The following TMEM64 variants were observed in gnomAD, a reference collection of about 807,000 sequenced individuals.
TMEM64 encodes transmembrane protein 64.
In TMEM64, 19 loss-of-function variants were observed where a neutral mutation model predicts 24.5. The ratio of observed to expected loss-of-function variants is 0.78; its 90% confidence interval spans 0.54 to 1.14. The LOEUF (loss-of-function observed/expected upper bound fraction) is 1.14. Among genes scored for constraint, TMEM64 ranks in the 50% most tolerant of loss-of-function variants. The pLI, the probability that TMEM64 is intolerant of heterozygous loss-of-function variation, is 0.00. For missense variants in TMEM64, 487 were observed against 493.0 expected (o/e 0.99, Z 0.12); for synonymous variants, 262 against 224.7 (o/e 1.17, Z -1.49).
Position 90,646,025 on chromosome 8 carries a change from G to A in TMEM64, c.-120C>T. 1 of 411,162 alleles carries A rather than the reference G, an allele frequency of 2.4e-6. No homozygotes were observed. The highest frequency in any genetic ancestry group is 1.0e-4 in the South Asian group (1 of 9,638). The allele number at this position is 411,162 out of a possible 1,614,324, so 25.5% of individuals were successfully genotyped here. On this transcript the variant is annotated 5_prime_UTR_variant, in exon 1 of 3. Coordinates refer to ENST00000458549, the MANE Select transcript of TMEM64 (RefSeq NM_001008495.4). The stretch of plus-strand genomic sequence containing the variant: ...GACTCCCTGCGTCCGCTCAGAGGGT[G>A]GGAGACGGCCCGTAGAAGGGCGCGG...
chr8:90,632,128 T>C (rs11997798), intron 1 of TMEM64, among the ~76,000 whole-genome samples: 20,906 of 152,140 alleles, frequency 0.14, 3,270 homozygotes, highest in African/African-American at 0.39. Context: ...TAATTCAATA[T>C]GCTACTCTGT....
intron 2 of TMEM64, 106 bp downstream of exon 2, chr8:90,631,446 A>T (rs1809437185): frequency 3.8e-6 from 4 of 1,041,000 alleles, no homozygotes; most frequent in Non-Finnish European, 5.3e-6. Flanking sequence ...AAAAATCTAA[A>T]ATGGAAAAAC....
At chr8:90,640,713 T>G (rs1809591449) in intron 1 of TMEM64, among the ~76,000 whole-genome samples, 2 of 152,240 alleles carry the variant, frequency 1.3e-5, no homozygotes, top group South Asian at 4.1e-4. Flanking sequence ...ATCTTCTTGA[T>G]AGCTCAATGC....
At chr8:90,644,005 G>A (rs899405307) in intron 1 of TMEM64, among the ~76,000 whole-genome samples, 2 of 152,186 alleles carry the variant, frequency 1.3e-5, no homozygotes, top group Non-Finnish European at 2.9e-5. Flanking sequence ...AAAACAAAAT[G>A]AGAAAGTTTC....
intron 2 of TMEM64, among the ~76,000 whole-genome samples, chr8:90,628,037 G>T (rs558634185): frequency 6.3e-4 from 96 of 152,328 alleles, no homozygotes; most frequent in African/African-American, 1.9e-3. Context: ...TTTCCCAGCT[G>T]CACTTCTGAT....
chr8:90,642,212 A>G (rs1809614385), intron 1 of TMEM64, among the ~76,000 whole-genome samples: 1 of 152,202 alleles, frequency 6.6e-6, no homozygotes, highest in Admixed American at 6.5e-5. Context: ...TAATGCCTTC[A>G]CTGTATCAGC....
Position 90,645,537 on chromosome 8 carries a change from G to C in TMEM64, c.369C>G (p.Leu123=), listed in dbSNP as rs751012298. Reference sequence around the variant, plus strand: ...GGGCGGCCAACACGCAGACCAGCACGAGGCTCCGGCACCAACAGGTGCTGC... The same window carrying C: ...GGGCGGCCAACACGCAGACCAGCACCAGGCTCCGGCACCAACAGGTGCTGC... The part of the protein sequence containing the change: ...CLGSTCWCRS[L]VLVCVLAALC... Residue 123 remains leucine, a synonymous_variant, in exon 1 of 3, where the codon CTC becomes CTG. Transcript: ENST00000458549. The surrounding 1 kb of genome is among the most constrained non-coding windows in gnomAD (Gnocchi z 4.2). 39 of 1,548,560 alleles carry C rather than the reference G, an allele frequency of 2.5e-5. No homozygotes were observed. Among genetic ancestry groups the C allele is most frequent in the South Asian group, 5.9e-5 (5 of 84,058 alleles).
chr8:90,645,004 T>C lies in TMEM64; in HGVS notation c.795+107A>G, dbSNP rs1450121118. Reference sequence around the variant, plus strand: ...AAGTAATCGTAACTCCTGCCGTCAATGTCACTTCTCTGCTGGTATTTATCT... The same window carrying C: ...AAGTAATCGTAACTCCTGCCGTCAACGTCACTTCTCTGCTGGTATTTATCT... On this transcript the variant is annotated intron_variant, in intron 1 of 2. Transcript: ENST00000458549. This position sits in a 1 kb window ranked among gnomAD's most constrained non-coding sequence, Gnocchi z 4.2. 1.1e-5 allele frequency: 14 copies of C among 1,229,696 alleles called. No individual in the cohort carries two copies. The highest frequency in any genetic ancestry group is 1.5e-5 in the Non-Finnish European group (13 of 874,178). The allele number at this position is 1,229,696 out of a possible 1,614,324, so 76.2% of individuals were successfully genotyped here.
intron 1 of TMEM64, among the ~76,000 whole-genome samples, chr8:90,644,809 T>C (rs1475114735): frequency 6.6e-6 from 1 of 152,242 alleles, no homozygotes; most frequent in East Asian, 1.9e-4. Flanking sequence ...GTATTAAAGA[T>C]GGGCATTTCC....
At position 90,645,446 on chromosome 8, in the gene TMEM64, G is replaced by T; in HGVS notation, c.460C>A (p.Leu154Ile). 2 of 1,551,612 alleles carry T rather than the reference G, an allele frequency of 1.3e-6. No individual in the cohort carries two copies. Among genetic ancestry groups the T allele is most frequent in the Non-Finnish European group, 1.7e-6 (2 of 1,147,026 alleles). The part of the protein sequence containing the change: ...LHHLLLWVES[L>I]DSLLGVLLFV... The stretch of plus-strand genomic sequence containing the variant: ...AGCAGGACCCCCAGCAGCGAGTCAA[G>T]GCTCTCCACCCACAGCAGGAGGTGG... The change falls in exon 1 of 3, where the codon CTT becomes ATT. Residue 154 changes from leucine to isoleucine, a missense_variant. Transcript: ENST00000458549. The surrounding 1 kb of genome is among the most constrained non-coding windows in gnomAD (Gnocchi z 4.2).
At chr8:90,633,847 T>G (rs1022457732) in intron 1 of TMEM64, among the ~76,000 whole-genome samples, 1 of 152,188 alleles carries the variant, frequency 6.6e-6, no homozygotes, top group African/African-American at 2.4e-5. Context: ...ATTGGGATGT[T>G]AAGTGTTTTT....
rs1251836298 is a variant in TMEM64 at position 90,645,633 on chromosome 8, G to T, written c.273C>A (p.Gly91=). Residue 91 remains glycine (G), a synonymous_variant, in exon 1 of 3, where the codon GGC becomes GGA. Transcript: ENST00000458549. The surrounding 1 kb of genome is among the most constrained non-coding windows in gnomAD (Gnocchi z 4.2). ...CCACGCCGCCGCCGCCACTCCCGGG[G>T]CCGCCCGCCAAGGCCCCGCCCGGCT... is the stretch of plus-strand genomic sequence containing the variant. ...LPEPGGALAG[G]PGSGGGGVVV... 5 of 1,533,678 alleles carry T rather than the reference G, an allele frequency of 3.3e-6. No individual in the cohort carries two copies. In the Admixed American group the frequency reaches 9.8e-5, roughly 30 times the overall value.
At position 90,622,330 on chromosome 8, in the gene TMEM64, C is replaced by T. The variant is rs1318224754; in HGVS notation, c.*3341G>A. 6.6e-6 allele frequency: 1 copy of T among 152,138 alleles called. No individual in the cohort carries two copies. The highest frequency in any genetic ancestry group is 1.5e-5 in the Non-Finnish European group (1 of 68,024). 9.4% of individuals were successfully genotyped at this position (152,138 alleles called of 1,614,324 possible). On this transcript the variant is annotated 3_prime_UTR_variant, in exon 3 of 3. Coordinates refer to ENST00000458549, the MANE Select transcript of TMEM64 (RefSeq NM_001008495.4). ...CTAAATACTTGATTACAACAGAAAT[C>T]GACCAATCTAAAAATCAGATAGTGT...
chr8:90,631,770 A>G (rs1487925914), intron 1 of TMEM64, 63 bp from the exon 2 acceptor site: 1 of 1,451,652 alleles, frequency 6.9e-7, no homozygotes, highest in Non-Finnish European at 9.5e-7. Context: ...AACATAAAAA[A>G]ATGTGTGTAT....
chr8:90,631,411 G>A, intron 2 of TMEM64, 141 bp downstream of exon 2: 1 of 605,810 alleles, frequency 1.7e-6, no homozygotes. Flanking sequence ...GTCAAAATAT[G>A]TAGTAGTAAT....
In TMEM64 at chr8:90,623,000, CA is replaced by C. The variant is rs1330279272; in HGVS notation, c.*2670del. On this transcript the variant is annotated 3_prime_UTR_variant, in exon 3 of 3. Coordinates refer to ENST00000458549, the MANE Select transcript of TMEM64 (RefSeq NM_001008495.4). ...AATATGCTTAGTAAATTAGCATATA[CA>C]TTTTTTTTAAAGGTGCTATTGTAAA... 5.3e-5 allele frequency: 8 copies of C among 150,906 alleles called. No individual in the cohort carries two copies. The highest frequency in any genetic ancestry group is 8.8e-5 in the Non-Finnish European group (6 of 67,868). 9.3% of individuals were successfully genotyped at this position (150,906 alleles called of 1,614,324 possible).
chr8:90,623,548 G>GA lies in TMEM64; in HGVS notation c.*2122dup, dbSNP rs1320558327. The GA allele has an allele frequency of 6.6e-6, 1 of 152,198 alleles. No individual in the cohort carries two copies. Among genetic ancestry groups the GA allele is most frequent in the Non-Finnish European group, 1.5e-5 (1 of 67,898 alleles). 9.4% of individuals were successfully genotyped at this position (152,198 alleles called of 1,614,324 possible). A position where few individuals can be genotyped will look rare whatever the true frequency, so the allele number is the denominator to read the frequency against. ...AAACAGTCAATCCATACTATTTTAA[G>GA]AAAAAAATGGATGATTTATTATATA... On this transcript the variant is annotated 3_prime_UTR_variant, in exon 3 of 3. Transcript: ENST00000458549.
At chr8:90,629,958 C>A (rs1210605074) in intron 2 of TMEM64, among the ~76,000 whole-genome samples, 1 of 152,012 alleles carries the variant, frequency 6.6e-6, no homozygotes, top group East Asian at 1.9e-4. Flanking sequence ...TAAGATAGGG[C>A]CTCAAAAACT....
chr8:90,643,889 T>A (rs1809644938), intron 1 of TMEM64, among the ~76,000 whole-genome samples: 3 of 152,218 alleles, frequency 2.0e-5, no homozygotes, highest in Non-Finnish European at 2.9e-5. Flanking sequence ...TTGCTGCTGT[T>A]GCTTGGAATC....
Sources: gnomAD v4.1 joint callset for allele counts (sites outside exome capture counted in the v4.1 genomes callset) on GRCh38, gnomAD v4.1.1 for gene constraint, Gnocchi (gnomAD v3.1) non-coding constraint, MANE v1.5 for transcripts, NCBI Gene and HGNC (gene_info 2026-07-23, HGNC 2026-07-21) for gene names.